VEGFD: variants seen among roughly 807,000 people sequenced by gnomAD.
VEGFD encodes c-fos induced growth factor (vascular endothelial growth factor D).
A neutral mutation model predicts 28.0 loss-of-function variants in VEGFD; 26 were observed. The observed-to-expected ratio is 0.93, with a 90% CI of 0.68 to 1.29. The LOEUF (loss-of-function observed/expected upper bound fraction) is 1.29, where lower values mean the gene tolerates loss of function less well. Ranked by LOEUF, VEGFD falls within the 50% of genes most tolerant of loss-of-function variation. The pLI is 0.00. For synonymous variants in VEGFD, 93 were observed against 95.5 expected, an observed-to-expected ratio of 0.97 and a Z score of 0.15; for missense variants, 294 against 273.4, an observed-to-expected ratio of 1.08 and a Z score of -0.53.
intron 5 of VEGFD, among the ~76,000 whole-genome samples, chrX:15,351,628 G>C (rs1922733610): frequency 8.9e-6 from 1 of 112,216 alleles, no homozygotes; most frequent in South Asian, 3.6e-4. Context: ...TGATGCTCTT[G>C]AGCTGGGCTG....
At chrX:15,352,997 C>A in intron 5 of VEGFD, 71 bp downstream of exon 5, 1 of 525,036 alleles carries the variant, frequency 1.9e-6, no homozygotes, top group Admixed American at 3.0e-5. Context: ...ATACTAAGTA[C>A]TCAATAACGG....
At chrX:15,377,159 A>G (rs1235722580) in intron 1 of VEGFD, among the ~76,000 whole-genome samples, 3 of 112,531 alleles carry the variant, frequency 2.7e-5, no homozygotes, top group Admixed American at 9.4e-5. Context: ...TACTTAAGAC[A>G]TCTTTATTTT....
intron 6 of VEGFD, among the ~76,000 whole-genome samples, chrX:15,346,872 A>G (rs888049225): frequency 9.0e-5 from 10 of 110,885 alleles, no homozygotes; most frequent in Non-Finnish European, 1.3e-4. Flanking sequence ...CGGAGGTTGC[A>G]GTGAGCCCAG....
intron 1 of VEGFD, among the ~76,000 whole-genome samples, chrX:15,379,393 T>A (rs16979876): frequency 0.046 from 5,136 of 111,522 alleles, 277 homozygotes; most frequent in African/African-American, 0.16. Context: ...AATGAGAGAC[T>A]AGGCAGATTC....
intron 2 of VEGFD, among the ~76,000 whole-genome samples, chrX:15,362,460 A>G (rs1483987022): frequency 9.0e-6 from 1 of 110,944 alleles, no homozygotes; most frequent in Non-Finnish European, 1.9e-5. Flanking sequence ...TCTGTTGCCC[A>G]GGCTGGAGTG....
At chrX:15,373,930 C>T (rs996350415) in intron 1 of VEGFD, among the ~76,000 whole-genome samples, 1 of 111,294 alleles carries the variant, frequency 9.0e-6, no homozygotes, top group Non-Finnish European at 1.9e-5. Flanking sequence ...GATGTTCTCC[C>T]TCCCCCACCT....
intron 5 of VEGFD, among the ~76,000 whole-genome samples, chrX:15,349,693 C>G (rs1425820460): frequency 1.8e-5 from 2 of 111,724 alleles, no homozygotes; most frequent in East Asian, 5.6e-4. Context: ...GAGCAATGAC[C>G]TGACTCTAAC....
At chrX:15,350,180 G>A (rs963718436) in intron 5 of VEGFD, among the ~76,000 whole-genome samples, 1 of 111,035 alleles carries the variant, frequency 9.0e-6, no homozygotes, top group East Asian at 2.8e-4. Context: ...CTGTGAGCCT[G>A]TCCAGCTTCT....
At chrX:15,355,845 C>T (rs746957844) in intron 3 of VEGFD, among the ~76,000 whole-genome samples, 7 of 111,739 alleles carry the variant, frequency 6.3e-5, no homozygotes, top group South Asian at 3.7e-4. Flanking sequence ...CTGGTCCAAG[C>T]GATGGGAAAC....
rs189671220 is a variant in VEGFD, at chrX:15,363,164, T to C, written c.246A>G (p.Ala82=). 43 of 1,209,608 alleles carry C rather than the reference T, an allele frequency of 3.6e-5. No individual in the cohort carries two copies. The African/African-American group carries it at 6.0e-4, about 17-fold the overall frequency. ...CCGCAAACCTAGTGGACCGATGGGATGCTGAGCGAGAGTCCATACTGGTAA... is the reference window on the plus strand; with the variant it reads ...CCGCAAACCTAGTGGACCGATGGGACGCTGAGCGAGAGTCCATACTGGTAA... ...KSFTSMDSRS[A]SHRSTRFAAT... is the part of the protein sequence containing the mutation. The change falls in exon 2 of 7, where the codon GCA becomes GCG. Residue 82 remains alanine, a synonymous_variant. Transcript: ENST00000297904.
At chrX:15,348,398 G>A (rs1289284490) in intron 5 of VEGFD, among the ~76,000 whole-genome samples, 4 of 112,342 alleles carry the variant, frequency 3.6e-5, no homozygotes, top group Non-Finnish European at 7.5e-5. Flanking sequence ...ATTAACAAAT[G>A]CAAACCAAAT....
At chrX:15,365,540 A>G (rs58644080) in intron 1 of VEGFD, among the ~76,000 whole-genome samples, 18,895 of 111,562 alleles carry the variant, frequency 0.17, 1,413 homozygotes, top group East Asian at 0.39. Flanking sequence ...ACACACAGCC[A>G]TGTCCATTCA....
chrX:15,361,589 C>T (rs1306058529), intron 2 of VEGFD, among the ~76,000 whole-genome samples: 2 of 111,858 alleles, frequency 1.8e-5, no homozygotes, highest in Non-Finnish European at 3.8e-5. Flanking sequence ...AAAACAAATA[C>T]AATTTTAGGT....
intron 1 of VEGFD, among the ~76,000 whole-genome samples, chrX:15,368,627 C>A (rs1186253880): frequency 8.9e-6 from 1 of 111,902 alleles, no homozygotes; most frequent in Non-Finnish European, 1.9e-5. Context: ...TTGGGTAAGA[C>A]AAAAATAACA....
At chrX:15,358,306 C>A (rs1463514602) in intron 2 of VEGFD, 113 bp from the exon 3 acceptor site, 5 of 646,263 alleles carry the variant, frequency 7.7e-6, no homozygotes, top group African/African-American at 2.2e-5. Flanking sequence ...CTGCTTGTTT[C>A]TTTTACTAGA....
At chrX:15,381,125 C>A (rs1430503374) in intron 1 of VEGFD, among the ~76,000 whole-genome samples, 1 of 111,879 alleles carries the variant, frequency 8.9e-6, no homozygotes, top group Non-Finnish European at 1.9e-5. Flanking sequence ...TTCACATGTT[C>A]CATGCACTGC....
At chrX:15,383,813 C>A (rs867108128) in intron 1 of VEGFD, 44 bp downstream of exon 1, 2 of 1,004,275 alleles carry the variant, frequency 2.0e-6, no homozygotes, top group Middle Eastern at 2.6e-4. Context: ...TCTGTATGAG[C>A]CAATAAAAAG....
In VEGFD at chrX:15,358,143, C is replaced by T. The variant is rs201960587; in HGVS notation, c.352G>A (p.Val118Met). Reference protein sequence around the residue: ...RTQCSPRETCVEVASELGKST... With the variant: ...RTQCSPRETCMEVASELGKST... ...TTCCCCAGCTCACTGGCCACCTCCACGCACGTTTCTCTAGGGCTGCACTGA... is the reference window on the plus strand; with the variant it reads ...TTCCCCAGCTCACTGGCCACCTCCATGCACGTTTCTCTAGGGCTGCACTGA... Residue 118 changes from valine (V) to methionine (M), a missense_variant, in exon 3 of 7, where the codon GTG becomes ATG. Coordinates refer to ENST00000297904, the MANE Select transcript of VEGFD (RefSeq NM_004469.5). 1.0e-4 allele frequency: 122 copies of T among 1,209,808 alleles called. No individual in the cohort carries two copies. Among genetic ancestry groups the T allele is most frequent in the Non-Finnish European group, 2.7e-5 (24 of 895,152 alleles).
At chrX:15,346,972 TTTC>T (rs1310886153) in intron 6 of VEGFD, among the ~76,000 whole-genome samples, 189 bp downstream of exon 6, 1 of 111,332 alleles carries the variant, frequency 9.0e-6, no homozygotes, top group Admixed American at 9.5e-5. Flanking sequence ...CAGGATTGAT[TTTC>T]TTATTTTCAT....
Sources: gnomAD v4.1 joint callset for allele counts (sites outside exome capture counted in the v4.1 genomes callset) on GRCh38, gnomAD v4.1.1 for gene constraint, MANE v1.5 for transcripts, NCBI Gene and HGNC (gene_info 2026-07-23, HGNC 2026-07-21) for gene names.